Variants in LRBA observed in about 807,000 individuals in gnomAD.
LRBA encodes LPS responsive beige-like anchor protein, also known as lipopolysaccharide-responsive and beige-like anchor protein.
LRBA carries 176 observed loss-of-function variants against 330.0 expected under a neutral mutation model. The observed-to-expected ratio is 0.53, with a 90% CI of 0.47 to 0.60. LRBA has a LOEUF of 0.60. Ranked by LOEUF, LRBA falls within the 20% of genes least tolerant of loss-of-function variation. The pLI, the probability that LRBA is intolerant of heterozygous loss-of-function variation, is 0.00. For synonymous variants in LRBA, 1,230 were observed against 1,193.0 expected (o/e 1.03, Z -0.64); for missense variants, 3,259 against 3,444.8 (o/e 0.95, Z 1.35).
At position 150,528,492 on chromosome 4, in the gene LRBA, C is replaced by A. The variant is rs1763715269; in HGVS notation, c.6331-37457G>T. ...CTCCAGCCTGGGGGACAGAGCAAGA[C>A]TTCATCTCAAAAAAAAAAAAAAAGT... On this transcript the variant is annotated intron_variant, in intron 40 of 56. Coordinates refer to ENST00000651943, the MANE Select transcript of LRBA (RefSeq NM_001364905.1). Among the ~76,000 whole-genome samples the A allele has an allele frequency of 4.6e-5, 5 of 109,556 alleles. No individual in the cohort carries two copies. The Admixed American group carries it at 5.3e-4, about 12-fold the overall frequency. 71.9% of individuals were successfully genotyped at this position (109,556 alleles called of 152,430 possible).
intron 17 of LRBA, among the ~76,000 whole-genome samples, chr4:150,885,201 A>C (rs1579094666): frequency 4.2e-5 from 1 of 23,556 alleles, no homozygotes. Context: ...CAAGAGTTCC[A>C]AAAAAAAAAA....
chr4:150,685,404 ATATATATATATATAT>A (rs1561513621), intron 36 of LRBA, among the ~76,000 whole-genome samples: 1 of 14,550 alleles, frequency 6.9e-5, no homozygotes, highest in African/African-American at 2.5e-4. Context: ...ATATATATAT[ATATATATATATATAT>A]ATTTTTTTTT....
chr4:150,305,212 C>G (rs1354650996), intron 52 of LRBA, among the ~76,000 whole-genome samples: 2 of 152,110 alleles, frequency 1.3e-5, no homozygotes, highest in East Asian at 3.9e-4. Context: ...ATTTCCAACT[C>G]ATGTGAGGAC....
intron 53 of LRBA, among the ~76,000 whole-genome samples, chr4:150,291,078 G>GTA (rs1176597804): frequency 6.8e-6 from 1 of 146,038 alleles, no homozygotes; most frequent in Non-Finnish European, 1.5e-5. Context: ...CTAGCATTAG[G>GTA]TATATCTCCC....
chr4:150,738,728 G>C (rs1363377475), intron 35 of LRBA, among the ~76,000 whole-genome samples: 2 of 151,988 alleles, frequency 1.3e-5, no homozygotes, highest in Admixed American at 6.6e-5. Flanking sequence ...ATCAGTTTAT[G>C]TAAGATGTTA....
At chr4:150,897,960 C>T in intron 14 of LRBA, 142 bp from the exon 15 acceptor site, 2 of 610,182 alleles carry the variant, frequency 3.3e-6, no homozygotes, top group Non-Finnish European at 3.0e-6. Flanking sequence ...ACCTTTTATG[C>T]CTCTAGAAAG....
chr4:150,439,770 C>T (rs1427805104), intron 44 of LRBA, among the ~76,000 whole-genome samples: 2 of 152,182 alleles, frequency 1.3e-5, no homozygotes, highest in South Asian at 2.1e-4. Context: ...CTGTATATCA[C>T]AGCTTCCTCA....
intron 28 of LRBA, chr4:150,841,071 G>A (rs1028299571): frequency 1.2e-6 from 1 of 856,026 alleles, no homozygotes; most frequent in Non-Finnish European, 1.6e-6. Context: ...AAAAAACAAA[G>A]GTACATTTGT....
At chr4:150,722,880 G>A (rs1436349761) in intron 36 of LRBA, among the ~76,000 whole-genome samples, 2 of 152,094 alleles carry the variant, frequency 1.3e-5, no homozygotes, top group Non-Finnish European at 2.9e-5. Context: ...ATGCACTGCA[G>A]ACAGAAACTG....
intron 47 of LRBA, among the ~76,000 whole-genome samples, chr4:150,410,522 A>C (rs1327768104): frequency 6.6e-6 from 1 of 152,136 alleles, no homozygotes; most frequent in Non-Finnish European, 1.5e-5. Flanking sequence ...AAAGCTATAG[A>C]ACATACACAA....
chr4:150,625,774 A>G (rs1776792332), intron 37 of LRBA, among the ~76,000 whole-genome samples: 1 of 151,310 alleles, frequency 6.6e-6, no homozygotes, highest in South Asian at 2.1e-4. Flanking sequence ...CAGTGGCGCA[A>G]GCTCAGCTCA....
At chr4:150,970,564 C>CGTGTGTGT (rs1561074320) in intron 2 of LRBA, 3 of 136,026 alleles carry the variant, frequency 2.2e-5, no homozygotes, top group African/African-American at 5.6e-5. Context: ...TGTACACACA[C>CGTGTGTGT]ACACACACAC....
chr4:150,391,794 C>A (rs542080252), intron 47 of LRBA, among the ~76,000 whole-genome samples: 58 of 152,158 alleles, frequency 3.8e-4, no homozygotes, highest in African/African-American at 1.3e-3. Flanking sequence ...CTTCTACCTT[C>A]TAAATATTTT....
chr4:150,997,273 TAAAG>T (rs1271873324), intron 2 of LRBA, among the ~76,000 whole-genome samples: 1 of 152,188 alleles, frequency 6.6e-6, no homozygotes, highest in African/African-American at 2.4e-5. Flanking sequence ...TTTATGTAAA[TAAAG>T]AAACAGAGCA....
At chr4:150,344,809 CA>C (rs1262341528) in intron 48 of LRBA, among the ~76,000 whole-genome samples, 1 of 152,188 alleles carries the variant, frequency 6.6e-6, no homozygotes, top group Non-Finnish European at 1.5e-5. Context: ...CCTTGGCCTC[CA>C]AAAGTGCTGG....
At position 150,264,460 on chromosome 4, in the gene LRBA, C is replaced by CATT. The variant is rs777532554; in HGVS notation, c.*1259_*1261dup. The stretch of plus-strand genomic sequence containing the variant: ...TTTGACATTTTCTTTCTTTGTGAAT[C>CATT]ATTATTTTATTAATGATGTTTAAAA... On this transcript the variant is annotated 3_prime_UTR_variant, in exon 57 of 57. Transcript: ENST00000651943. The CATT allele has an allele frequency of 5.7e-4, 56 of 97,578 alleles. 1 individual carries two copies. The highest frequency in any genetic ancestry group is 2.5e-3 in the Admixed American group (21 of 8,284). 6.0% of individuals were successfully genotyped at this position (97,578 alleles called of 1,614,324 possible). A position where few individuals can be genotyped will look rare whatever the true frequency, so the allele number is the denominator to read the frequency against.
chr4:150,661,163 A>G (rs1442772910), intron 37 of LRBA, among the ~76,000 whole-genome samples: 10 of 150,968 alleles, frequency 6.6e-5, no homozygotes, highest in Admixed American at 6.6e-4. Context: ...AAATAGCATG[A>G]TTTGACTATG....
chr4:150,846,755 T>C (rs1749903072), intron 26 of LRBA, among the ~76,000 whole-genome samples: 1 of 152,182 alleles, frequency 6.6e-6, no homozygotes, highest in African/African-American at 2.4e-5. Flanking sequence ...ATCACACATT[T>C]GGACTGTTAC....
intron 2 of LRBA, among the ~76,000 whole-genome samples, chr4:150,959,337 T>A (rs1373534138): frequency 6.7e-6 from 1 of 149,078 alleles, no homozygotes; most frequent in Non-Finnish European, 1.5e-5. Flanking sequence ...ACTGGGTCCC[T>A]CCCACATGAG....
Sources: allele counts gnomAD v4.1 joint callset (sites outside exome capture counted in the v4.1 genomes callset), GRCh38; gene constraint gnomAD v4.1.1; transcripts MANE v1.5; gene names NCBI Gene and HGNC (gene_info 2026-07-23, HGNC 2026-07-21).